The following SLC29A1 variants were observed in gnomAD, a reference collection of about 807,000 sequenced individuals.
SLC29A1 encodes solute carrier family 29 member 1 (Augustine blood group).
SLC29A1 carries 22 observed loss-of-function variants against 48.3 expected under a neutral mutation model. The ratio of observed to expected loss-of-function variants is 0.46; its 90% CI spans 0.33 to 0.65. SLC29A1 has a LOEUF of 0.65. Among genes scored for constraint, SLC29A1 ranks in the 30% least tolerant of loss-of-function variants. SLC29A1 has a pLI of 0.03. For missense variants in SLC29A1, 491 were observed against 575.3 expected, an observed-to-expected ratio of 0.85 and a Z score of 1.50; for synonymous variants, 228 against 231.0, an observed-to-expected ratio of 0.99 and a Z score of 0.12.
chr6:44,231,232 G>A, intron 8 of SLC29A1, 132 bp from the exon 9 acceptor site: 3 of 673,112 alleles, frequency 4.5e-6, no homozygotes, highest in South Asian at 1.8e-5. Context: ...GTCTGGGTTA[G>A]GGTTAGAGTA....
chr6:44,233,161 A>G (rs771723419), intron 12 of SLC29A1, among the ~76,000 whole-genome samples, 155 bp downstream of exon 12: 3 of 152,046 alleles, frequency 2.0e-5, no homozygotes, highest in Non-Finnish European at 4.4e-5. Flanking sequence ...GGGGATAGTG[A>G]CTGTAGTGGA....
chr6:44,224,032 GCGAGCGGAGGTGCAGGCTC>G, intron 1 of SLC29A1: 7 of 37,984 alleles, frequency 1.8e-4, no homozygotes, highest in Non-Finnish European at 2.1e-4. Context: ...ATGGAGGCTC[GCGAGCGGAGGTGCAGGCTC>G]GCGAGCGGAG....
upstream of SLC29A1, among the ~76,000 whole-genome samples, chr6:44,220,047 A>G (rs966442423): frequency 7.9e-5 from 12 of 152,210 alleles, no homozygotes; most frequent in Admixed American, 4.6e-4. Context: ...AGAGGTCTGG[A>G]AAATTAGCCT....
At chr6:44,226,058 C>CAGG (rs1315170953) in intron 1 of SLC29A1, 2 of 976,334 alleles carry the variant, frequency 2.0e-6, no homozygotes, top group Admixed American at 6.1e-5. Flanking sequence ...GATCCGCACC[C>CAGG]AGGAGCCCGT....
At chr6:44,227,392 A>G (rs1328718189) in intron 2 of SLC29A1, 50 bp downstream of exon 2, 1 of 1,520,366 alleles carries the variant, frequency 6.6e-7, no homozygotes, top group Non-Finnish European at 9.1e-7. Flanking sequence ...GTTTTCAGGG[A>G]GCTGGGTGTG....
At chr6:44,221,593 A>G (rs1776431426), upstream of SLC29A1, 2 of 1,251,050 alleles carry the variant, frequency 1.6e-6, no homozygotes, top group Non-Finnish European at 2.1e-6. This position sits in a 1 kb window ranked among gnomAD's most constrained non-coding sequence, Gnocchi z 4.2. Flanking sequence ...CAGGGACCTG[A>G]GGGAGCTCAG....
intron 1 of SLC29A1, chr6:44,226,626 CTG>C (rs1249287626): frequency 2.3e-6 from 1 of 439,518 alleles, no homozygotes; most frequent in Non-Finnish European, 3.0e-6. Context: ...AGCAGAGAGA[CTG>C]GAATCTGGGT....
At chr6:44,225,315 G>C (rs1777256121) in intron 1 of SLC29A1, among the ~76,000 whole-genome samples, 1 of 152,048 alleles carries the variant, frequency 6.6e-6, no homozygotes. Flanking sequence ...AAACCAGCCT[G>C]GTCAACATGG....
rs1396438680 is a variant in SLC29A1 at position 44,232,777 on chromosome 6, C to A, written c.1060-30C>A. 3 of 1,601,406 alleles carry A rather than the reference C, an allele frequency of 1.9e-6. No individual in the cohort carries two copies. Reference sequence around the variant, plus strand: ...CCTGGCTGTGCCCTGGGGTGGCGGCCTGGGCTGAGGCCCTGCCTGGTGCCC... The same window carrying A: ...CCTGGCTGTGCCCTGGGGTGGCGGCATGGGCTGAGGCCCTGCCTGGTGCCC... On this transcript the variant is annotated intron_variant, in intron 11 of 12. Coordinates refer to ENST00000371755, the MANE Select transcript of SLC29A1 (RefSeq NM_001372327.1). The surrounding 1 kb of genome is among the most constrained non-coding windows in gnomAD (Gnocchi z 4.7).
chr6:44,223,636 C>T lies in SLC29A1; in HGVS notation c.-57C>T, dbSNP rs866708257. On this transcript the variant is annotated 5_prime_UTR_variant, in exon 1 of 13. Transcript: ENST00000371755. The surrounding 1 kb of genome is among the most constrained non-coding windows in gnomAD (Gnocchi z 5.0). ...TCTCAGCGCGGGAGCAGTGCTTCTG[C>T]GGCAGGTGCTGCCCGGGGCCGGGGA... 1 of 1,206,942 alleles carries T rather than the reference C, an allele frequency of 8.3e-7. No homozygotes were observed. The highest frequency in any genetic ancestry group is 1.1e-6 in the Non-Finnish European group (1 of 947,310). The allele number at this position is 1,206,942 out of a possible 1,614,324, so 74.8% of individuals were successfully genotyped here. A position where few individuals can be genotyped will look rare whatever the true frequency, so the allele number is the denominator to read the frequency against.
rs1776750702 is a variant in SLC29A1, at chr6:44,223,613, T to G, written c.-80T>G. 1 of 1,215,206 alleles carries G rather than the reference T, an allele frequency of 8.2e-7. No individual in the cohort carries two copies. The highest frequency in any genetic ancestry group is 1.6e-5 in the African/African-American group (1 of 61,192). 75.3% of individuals were successfully genotyped at this position (1,215,206 alleles called of 1,614,324 possible). A position where few individuals can be genotyped will look rare whatever the true frequency, so the allele number is the denominator to read the frequency against. ...AAGCTGCAGCGAGAGCGCGCGGATC[T>G]CAGCGCGGGAGCAGTGCTTCTGCGG... On this transcript the variant is annotated 5_prime_UTR_variant, in exon 1 of 13. Coordinates refer to ENST00000371755, the MANE Select transcript of SLC29A1 (RefSeq NM_001372327.1). This position sits in a 1 kb window ranked among gnomAD's most constrained non-coding sequence, Gnocchi z 5.0.
At chr6:44,233,361 C>T in intron 12 of SLC29A1, 56 bp from the exon 13 acceptor site, 1 of 1,417,124 alleles carries the variant, frequency 7.1e-7, no homozygotes, top group South Asian at 1.1e-5. Flanking sequence ...CACCCAGAGG[C>T]TCTGGGCTGG....
intron 1 of SLC29A1, chr6:44,224,017 T>A (rs991172131): frequency 2.5e-6 from 2 of 811,788 alleles, no homozygotes; most frequent in African/African-American, 3.8e-5. Context: ...GGGATGGGGA[T>A]GGGGATGGAG....
rs1402667506 is a variant in SLC29A1, at chr6:44,230,490, G to A, written c.589+9G>A. The A allele has an allele frequency of 9.9e-6, 16 of 1,613,696 alleles. No individual in the cohort carries two copies. The highest frequency in any genetic ancestry group is 2.2e-5 in the East Asian group (1 of 44,872). On this transcript the variant is annotated intron_variant, in intron 6 of 12. Transcript: ENST00000371755. ...GATCTGCGCTATTGCCAGTAAGTCC[G>A]GCTATCTACCTGCCCAGTGCCCTGG...
upstream of SLC29A1, chr6:44,219,882 G>C (rs1469621483): frequency 2.5e-6 from 2 of 786,372 alleles, no homozygotes; most frequent in South Asian, 3.3e-5. Flanking sequence ...GGCCAGTAGG[G>C]GGACCCGCTG....
At chr6:44,219,821 T>C (rs964829038), upstream of SLC29A1, 5 of 113,024 alleles carry the variant, frequency 4.4e-5, no homozygotes, top group East Asian at 5.4e-4. Context: ...CGGGGCGGGG[T>C]GGGGTGGGGG....
intron 5 of SLC29A1, 123 bp downstream of exon 5, chr6:44,230,169 G>A (rs763591708): frequency 6.7e-7 from 1 of 1,491,756 alleles, no homozygotes; most frequent in Non-Finnish European, 9.2e-7. Context: ...GATGCTGTGA[G>A]CAGCTGGGAT....
At position 44,223,717 on chromosome 6, in the gene SLC29A1, G is replaced by A; in HGVS notation, c.-52+76G>A. 1 of 1,082,114 alleles carries A rather than the reference G, an allele frequency of 9.2e-7. No homozygotes were observed. Among genetic ancestry groups the A allele is most frequent in the Non-Finnish European group, 1.1e-6 (1 of 881,788 alleles). The allele number at this position is 1,082,114 out of a possible 1,614,324, so 67.0% of individuals were successfully genotyped here. A position where few individuals can be genotyped will look rare whatever the true frequency, so the allele number is the denominator to read the frequency against. On this transcript the variant is annotated intron_variant, in intron 1 of 12. Coordinates refer to ENST00000371755, the MANE Select transcript of SLC29A1 (RefSeq NM_001372327.1). The surrounding 1 kb of genome is among the most constrained non-coding windows in gnomAD (Gnocchi z 5.0). ...CGCCGCTGCCCGCCTGCCACGGAGGGCAGGGAGGGCGGGCCTGACGGCTCC... is the reference window on the plus strand; with the variant it reads ...CGCCGCTGCCCGCCTGCCACGGAGGACAGGGAGGGCGGGCCTGACGGCTCC...
chr6:44,219,938 G>A (rs967442407), upstream of SLC29A1, among the ~76,000 whole-genome samples: 1 of 152,186 alleles, frequency 6.6e-6, no homozygotes, highest in African/African-American at 2.4e-5. Flanking sequence ...TTCTGGATGC[G>A]GGGCCACTTT....
Sources: gnomAD v4.1 joint callset for allele counts (sites outside exome capture counted in the v4.1 genomes callset) on GRCh38, gnomAD v4.1.1 for gene constraint, Gnocchi (gnomAD v3.1) non-coding constraint, MANE v1.5 for transcripts, NCBI Gene and HGNC (gene_info 2026-07-23, HGNC 2026-07-21) for gene names.